RBFOX3: variants seen among roughly 807,000 people sequenced by gnomAD.
The protein encoded by RBFOX3 is RNA binding protein fox-1 homolog 3.
RBFOX3 carries 17 observed loss-of-function variants against 48.7 expected under a neutral mutation model. The ratio of observed to expected loss-of-function variants is 0.35; its 90% confidence interval spans 0.24 to 0.52. The LOEUF is 0.52. Among genes scored for constraint, RBFOX3 ranks in the 20% least tolerant of loss-of-function variants. The probability of loss-of-function intolerance (pLI) is 0.94; values close to 1 mark genes in which losing one functional copy is unlikely to be tolerated. For missense variants in RBFOX3, 382 were observed against 497.5 expected (o/e 0.77, Z 2.21); for synonymous variants, 212 against 209.5 (o/e 1.01, Z -0.10).
rs1001340429 is a variant in RBFOX3 at position 79,592,035 on chromosome 17, A to G, written c.-320+18791T>C. Among the ~76,000 whole-genome samples the G allele has an allele frequency of 5.5e-3, 797 of 145,446 alleles. 4 individuals are homozygous for G. The highest frequency in any genetic ancestry group is 0.054 in the Middle Eastern group (15 of 276). On this transcript the variant is annotated intron_variant, in intron 1 of 14. Transcript: ENST00000693108. The stretch of plus-strand genomic sequence containing the variant: ...AGTATTGTAGTGTGTGCACACATGC[A>G]TGTATGTGTATGTGTGTGGGTGTGT...
Position 79,187,489 on chromosome 17 carries a change from A to G in RBFOX3, c.-34+48277T>C, listed in dbSNP as rs568953265. ...TACATCGTGCTTTCCGCAGAGCCAG[A>G]CCTTCCTGCCCCAGCCCTGGGGTAT... On this transcript the variant is annotated intron_variant, in intron 4 of 14. Transcript: ENST00000693108. 1.6e-3 allele frequency among the ~76,000 whole-genome samples: 247 copies of G among 152,160 alleles called. 2 individuals are homozygous for G. Among genetic ancestry groups the G allele is most frequent in the African/African-American group, 5.2e-3 (215 of 41,498 alleles).
Position 79,428,104 on chromosome 17 carries a change from G to A in RBFOX3, c.-175+54350C>T, listed in dbSNP as rs533429877. ...GGGCCCACAAGGCAGCCACTGTGCC[G>A]AGACAGACTCCGCCTGCAGCAATAT... On this transcript the variant is annotated intron_variant, in intron 2 of 14. Coordinates refer to ENST00000693108, the MANE Select transcript of RBFOX3 (RefSeq NM_001350451.2). 1.0e-3 allele frequency among the ~76,000 whole-genome samples: 156 copies of A among 152,330 alleles called. 2 individuals are homozygous for A. Among genetic ancestry groups the A allele is most frequent in the African/African-American group, 3.6e-3 (149 of 41,578 alleles).
At chr17:79,561,688 C>G (rs1401038470) in intron 1 of RBFOX3, among the ~76,000 whole-genome samples, 1 of 152,198 alleles carries the variant, frequency 6.6e-6, no homozygotes, top group Non-Finnish European at 1.5e-5. Flanking sequence ...TCACAGCAAA[C>G]TCTGCAAAAG....
intron 4 of RBFOX3, among the ~76,000 whole-genome samples, chr17:79,157,905 A>G (rs1265000267): frequency 6.6e-6 from 1 of 152,172 alleles, no homozygotes; most frequent in Non-Finnish European, 1.5e-5. Context: ...ATGGGGCTAG[A>G]CGGCCCTGGG....
chr17:79,293,826 G>A (rs73411850), intron 3 of RBFOX3, among the ~76,000 whole-genome samples: 26,148 of 152,076 alleles, frequency 0.17, 2,748 homozygotes, highest in African/African-American at 0.28. Flanking sequence ...CTGTAGCAGC[G>A]GCAAGGTCCA....
chr17:79,498,645 T>C (rs540965433), intron 1 of RBFOX3, among the ~76,000 whole-genome samples: 150 of 141,132 alleles, frequency 1.1e-3, no homozygotes, highest in African/African-American at 3.9e-3. Context: ...AGCCTACCCA[T>C]CCATCCACTC....
intron 2 of RBFOX3, among the ~76,000 whole-genome samples, chr17:79,437,661 T>C (rs2069817336): frequency 6.6e-6 from 1 of 152,184 alleles, no homozygotes; most frequent in Admixed American, 6.5e-5. Context: ...AGGAGTCTCC[T>C]GGGCACCCCA....
intron 1 of RBFOX3, among the ~76,000 whole-genome samples, chr17:79,501,079 G>A (rs1568351153): frequency 6.6e-6 from 1 of 152,188 alleles, no homozygotes; most frequent in Non-Finnish European, 1.5e-5. Flanking sequence ...CGCACGTGGC[G>A]TAAATCACTT....
At chr17:79,407,470 G>A (rs1383133747) in intron 2 of RBFOX3, among the ~76,000 whole-genome samples, 3 of 152,276 alleles carry the variant, frequency 2.0e-5, no homozygotes, top group Non-Finnish European at 2.9e-5. Flanking sequence ...TGTATGTGAT[G>A]TGTTTCCGCA....
Position 79,249,988 on chromosome 17 carries a change from T to C in RBFOX3, c.-73-14183A>G, listed in dbSNP as rs557665407. On this transcript the variant is annotated intron_variant, in intron 3 of 14. Transcript: ENST00000693108. The surrounding 1 kb of genome is among the most constrained non-coding windows in gnomAD (Gnocchi z 4.1). ...TTGGCTCTTGCGAGAGGGAGCCAGT[T>C]TTAAGGATGAAACCGTAATGCTTCC... 6.6e-6 allele frequency among the ~76,000 whole-genome samples: 1 copy of C among 152,310 alleles called. No individual in the cohort carries two copies. Among genetic ancestry groups the C allele is most frequent in the African/African-American group, 2.4e-5 (1 of 41,560 alleles).
rs114300746 is a variant in RBFOX3, at chr17:79,352,209, T to C, written c.-174-44385A>G. 2.5e-3 allele frequency among the ~76,000 whole-genome samples: 377 copies of C among 152,266 alleles called. 1 individual carries two copies. Among genetic ancestry groups the C allele is most frequent in the African/African-American group, 8.6e-3 (358 of 41,538 alleles). The stretch of plus-strand genomic sequence containing the variant: ...GGACATGGGGCCTGGTGGAAGGTGA[T>C]TGGATCATGGGGGTGGTTTTTAATG... On this transcript the variant is annotated intron_variant, in intron 2 of 14. Transcript: ENST00000693108.
In RBFOX3 at chr17:79,451,152, C is replaced by T. The variant is rs563075904; in HGVS notation, c.-175+31302G>A. Among the ~76,000 whole-genome samples, 3 of 151,956 alleles carry T rather than the reference C, an allele frequency of 2.0e-5. No homozygotes were observed. The East Asian group carries it at 5.8e-4, about 29-fold the overall frequency. ...TGGGACAATTTGCTATCGAAAGGCA[C>T]AATTATCAGGGGACATATGATGTTT... On this transcript the variant is annotated intron_variant, in intron 2 of 14. Coordinates refer to ENST00000693108, the MANE Select transcript of RBFOX3 (RefSeq NM_001350451.2).
rs1568258688 is a variant in RBFOX3 at position 79,442,348 on chromosome 17, GGAGGAAGAGGGGGGGAGAGAGAGAGA to G, written c.-175+40080_-175+40105del. Among the ~76,000 whole-genome samples, 61 of 34,440 alleles carry G rather than the reference GGAGGAAGAGGGGGGGAGAGAGAGAGA, an allele frequency of 1.8e-3. 9 individuals carry two copies. The highest frequency in any genetic ancestry group is 6.8e-3 in the African/African-American group (56 of 8,194). The allele number at this position is 34,440 out of a possible 152,430, so 22.6% of individuals were successfully genotyped here. The stretch of plus-strand genomic sequence containing the variant: ...GAGGGAGAGAGAGGGAGGGAGGGAG[GGAGGAAGAGGGGGGGAGAGAGAGAGA>G]GAGAGAGAGAGAGAGAGAGAGAGAG... On this transcript the variant is annotated intron_variant, in intron 2 of 14. Transcript: ENST00000693108.
intron 4 of RBFOX3, among the ~76,000 whole-genome samples, chr17:79,185,457 G>A (rs1271881445): frequency 6.6e-6 from 1 of 152,180 alleles, no homozygotes; most frequent in Non-Finnish European, 1.5e-5. Context: ...AGGGCTCCTC[G>A]TGAGCGTGGT....
intron 4 of RBFOX3, among the ~76,000 whole-genome samples, chr17:79,154,269 C>T (rs2045266661): frequency 6.6e-6 from 1 of 152,172 alleles, no homozygotes; most frequent in South Asian, 2.1e-4. Flanking sequence ...TCTTTCCTTG[C>T]CCAGCTCCTT....
chr17:79,355,301 G>A (rs1449674974), intron 2 of RBFOX3, among the ~76,000 whole-genome samples: 3 of 152,192 alleles, frequency 2.0e-5, no homozygotes, highest in African/African-American at 7.2e-5. Context: ...GAGGGCTCTG[G>A]GGAGACGTGT....
chr17:79,254,756 C>G lies in RBFOX3; in HGVS notation c.-73-18951G>C, dbSNP rs146558769. On this transcript the variant is annotated intron_variant, in intron 3 of 14. Transcript: ENST00000693108. This position sits in a 1 kb window ranked among gnomAD's most constrained non-coding sequence, Gnocchi z 4.8. Reference sequence around the variant, plus strand: ...AGTGGGTGCCTTACCTGGACAGTATCCAGGTGGACAGGTGCCTTATCTTGG... The same window carrying G: ...AGTGGGTGCCTTACCTGGACAGTATGCAGGTGGACAGGTGCCTTATCTTGG... Among the ~76,000 whole-genome samples, 97 of 152,282 alleles carry G rather than the reference C, an allele frequency of 6.4e-4. No homozygotes were observed. The highest frequency in any genetic ancestry group is 2.3e-3 in the African/African-American group (94 of 41,546).
At chr17:79,611,130 T>TCTCTCTCTCTCTCTCCCTC, upstream of RBFOX3, among the ~76,000 whole-genome samples, 1 of 37,816 alleles carries the variant, frequency 2.6e-5, no homozygotes, top group South Asian at 9.4e-4. Flanking sequence ...TCCGCCCTCC[T>TCTCTCTCTCTCTCTCCCTC]TCTCTCTCTC....
intron 1 of RBFOX3, among the ~76,000 whole-genome samples, chr17:79,516,631 C>T (rs1218288489): frequency 6.6e-6 from 1 of 152,172 alleles, no homozygotes; most frequent in Non-Finnish European, 1.5e-5. Context: ...ATGGTAGAGA[C>T]GGGATGGAAA....
Sources: allele counts gnomAD v4.1 joint callset (sites outside exome capture counted in the v4.1 genomes callset), GRCh38; gene constraint gnomAD v4.1.1; non-coding constraint Gnocchi (gnomAD v3.1); transcripts MANE v1.5; gene names NCBI Gene and HGNC (gene_info 2026-07-23, HGNC 2026-07-21).